PCCA: variants seen among roughly 807,000 people sequenced by gnomAD.
The protein encoded by PCCA is propionyl-CoA carboxylase subunit alpha, also known as propionyl-CoA carboxylase alpha chain, mitochondrial.
In PCCA, 74 loss-of-function variants were observed where a neutral mutation model predicts 101.3. The observed-to-expected ratio is 0.73, with a 90% CI of 0.61 to 0.89. The LOEUF (loss-of-function observed/expected upper bound fraction) is 0.89, where lower values mean the gene tolerates loss of function less well. PCCA is among the 40% of genes least tolerant of loss of function. The pLI is 0.00. For missense variants in PCCA, 891 were observed against 907.0 expected, an observed-to-expected ratio of 0.98 and a Z score of 0.23; for synonymous variants, 294 against 313.6, an observed-to-expected ratio of 0.94 and a Z score of 0.66.
chr13:100,216,172 C>A (rs1486408338), intron 7 of PCCA, among the ~76,000 whole-genome samples: 1 of 150,468 alleles, frequency 6.6e-6, no homozygotes, highest in Non-Finnish European at 1.5e-5. Flanking sequence ...GGGCCAAGTG[C>A]ATGTTTAGCA....
At chr13:100,420,569 G>A (rs1206537855) in intron 19 of PCCA, among the ~76,000 whole-genome samples, 1 of 152,044 alleles carries the variant, frequency 6.6e-6, no homozygotes, top group Non-Finnish European at 1.5e-5. Context: ...ATGGAGTGAT[G>A]CCCTATCTCA....
intron 18 of PCCA, among the ~76,000 whole-genome samples, chr13:100,353,370 A>G (rs1050598685): frequency 6.6e-6 from 1 of 152,220 alleles, no homozygotes; most frequent in Non-Finnish European, 1.5e-5. Flanking sequence ...TATTTACCAT[A>G]CCATATACTA....
intron 19 of PCCA, among the ~76,000 whole-genome samples, chr13:100,418,967 A>G (rs1200433325): frequency 1.3e-5 from 2 of 151,064 alleles, no homozygotes; most frequent in African/African-American, 4.9e-5. Context: ...CTCCATCCAC[A>G]TGGGTTTCAA....
At position 100,317,829 on chromosome 13, in the gene PCCA, C is replaced by G. The variant is rs1453221738; in HGVS notation, c.1429+7921C>G. 2.6e-5 allele frequency among the ~76,000 whole-genome samples: 4 copies of G among 152,104 alleles called. 1 individual carries two copies. In the East Asian group the frequency reaches 7.8e-4, roughly 30 times the overall value. On this transcript the variant is annotated intron_variant, in intron 16 of 23. Transcript: ENST00000376285. ...TCTTGAACTCCTGACCTCAAGTGAC[C>G]CACCCACCTCGGTTTCCCAAAATGT...
chr13:100,278,456 G>A (rs1294712793), intron 12 of PCCA, among the ~76,000 whole-genome samples: 1 of 146,646 alleles, frequency 6.8e-6, no homozygotes, highest in Non-Finnish European at 1.5e-5. Flanking sequence ...TTGTACCATG[G>A]TTGTTTCTGG....
rs529141059 is a variant in PCCA, at chr13:100,284,460, A to G, written c.1065+11114A>G. ...CCACCACTTTTCCTTATCAAAGGCA[A>G]TATCCCTTAAGGCCTGAAGCTCATA... On this transcript the variant is annotated intron_variant, in intron 12 of 23. Coordinates refer to ENST00000376285, the MANE Select transcript of PCCA (RefSeq NM_000282.4). Among the ~76,000 whole-genome samples the G allele has an allele frequency of 2.4e-4, 36 of 152,370 alleles. 1 individual carries two copies. The highest frequency in any genetic ancestry group is 3.3e-4 in the Admixed American group (5 of 15,314).
chr13:100,393,843 C>G (rs1416484101), intron 19 of PCCA, among the ~76,000 whole-genome samples: 1 of 152,170 alleles, frequency 6.6e-6, no homozygotes, highest in African/African-American at 2.4e-5. Flanking sequence ...GTATATGAAA[C>G]ACATTAAAGA....
intron 6 of PCCA, among the ~76,000 whole-genome samples, chr13:100,190,619 G>T (rs1300949758): frequency 1.3e-5 from 2 of 152,162 alleles, no homozygotes; most frequent in African/African-American, 4.8e-5. Flanking sequence ...AGGCTGCAGT[G>T]AGCCGAGATT....
chr13:100,144,501 T>C (rs1314125750), intron 4 of PCCA, among the ~76,000 whole-genome samples: 1 of 152,222 alleles, frequency 6.6e-6, no homozygotes, highest in Non-Finnish European at 1.5e-5. Flanking sequence ...TTTTATATCA[T>C]ATTAGATGCT....
At chr13:100,238,563 A>G (rs1259678194) in intron 8 of PCCA, among the ~76,000 whole-genome samples, 1 of 152,136 alleles carries the variant, frequency 6.6e-6, no homozygotes, top group Non-Finnish European at 1.5e-5. Flanking sequence ...TTTTGCTTAT[A>G]CTGAAAGAAA....
At chr13:100,522,725 C>A (rs1165836515) in intron 22 of PCCA, among the ~76,000 whole-genome samples, 4 of 152,318 alleles carry the variant, frequency 2.6e-5, no homozygotes, top group Admixed American at 6.5e-5. Flanking sequence ...TCCAAACAGA[C>A]CTCAGCCCAT....
intron 1 of PCCA, among the ~76,000 whole-genome samples, chr13:100,098,650 C>T (rs564514980): frequency 4.8e-4 from 73 of 152,204 alleles, no homozygotes; most frequent in Non-Finnish European, 8.7e-4. Context: ...TCTGCTACAG[C>T]GGGATGGGGA....
intron 4 of PCCA, among the ~76,000 whole-genome samples, chr13:100,142,049 G>T (rs746079587): frequency 2.7e-5 from 4 of 150,554 alleles, no homozygotes; most frequent in Non-Finnish European, 5.9e-5. Flanking sequence ...CATTTTTTCT[G>T]ATCTTTTTAT....
chr13:100,391,303 A>T (rs2076789487), intron 19 of PCCA, among the ~76,000 whole-genome samples: 1 of 152,152 alleles, frequency 6.6e-6, no homozygotes, highest in Non-Finnish European at 1.5e-5. Flanking sequence ...AGGACAAAGG[A>T]GCGGGTGGAG....
intron 4 of PCCA, among the ~76,000 whole-genome samples, chr13:100,116,677 G>A (rs1258239778): frequency 6.6e-6 from 1 of 152,052 alleles, no homozygotes; most frequent in Non-Finnish European, 1.5e-5. Context: ...ATGTCTTTTT[G>A]TGAACATAAT....
rs1453377376 is a variant in PCCA at position 100,348,771 on chromosome 13, TCTTTCTTTCTTTCTTTCTTCCTTCCTTC to T, written c.1643+8516_1643+8543del. Among the ~76,000 whole-genome samples the T allele has an allele frequency of 6.1e-3, 557 of 92,010 alleles. 10 individuals carry two copies. Among genetic ancestry groups the T allele is most frequent in the African/African-American group, 0.01 (226 of 22,518 alleles). The allele number at this position is 92,010 out of a possible 152,430, so 60.4% of individuals were successfully genotyped here. ...TTCTTTCTTTCTTTCTTTCTTTCTT[TCTTTCTTTCTTTCTTTCTTCCTTCCTTC>T]CTTCCTTCCTTCCTTCCTTTCTTTC... is the stretch of plus-strand genomic sequence containing the variant. On this transcript the variant is annotated intron_variant, in intron 18 of 23. Coordinates refer to ENST00000376285, the MANE Select transcript of PCCA (RefSeq NM_000282.4).
At chr13:100,268,650 T>C in intron 10 of PCCA, 39 bp from the exon 11 acceptor site, 1 of 1,366,778 alleles carries the variant, frequency 7.3e-7, no homozygotes, top group Non-Finnish European at 1.0e-6. Context: ...ACTTTGTGGG[T>C]GTGGTTATAT....
intron 6 of PCCA, among the ~76,000 whole-genome samples, chr13:100,202,054 G>A (rs1447319018): frequency 1.3e-5 from 2 of 151,482 alleles, no homozygotes; most frequent in African/African-American, 4.8e-5. Context: ...GCTTGACTCA[G>A]CCTGGTGGCT....
chr13:100,312,845 C>G (rs1253012065), intron 16 of PCCA, among the ~76,000 whole-genome samples: 1 of 152,176 alleles, frequency 6.6e-6, no homozygotes, highest in African/African-American at 2.4e-5. Flanking sequence ...TCTTCTCATC[C>G]TAAAATATTT....
Sources: allele counts gnomAD v4.1 joint callset (sites outside exome capture counted in the v4.1 genomes callset), GRCh38; gene constraint gnomAD v4.1.1; transcripts MANE v1.5; gene names NCBI Gene and HGNC (gene_info 2026-07-23, HGNC 2026-07-21).